Variants in NTM observed in about 807,000 individuals in gnomAD.
NTM encodes IgLON family member 2.
NTM carries 13 observed loss-of-function variants against 42.1 expected under a neutral mutation model. The ratio of observed to expected loss-of-function variants is 0.31; its 90% confidence interval spans 0.20 to 0.49. The LOEUF (loss-of-function observed/expected upper bound fraction) is 0.49, where lower values mean the gene tolerates loss of function less well. Ranked by LOEUF, NTM falls within the 20% of genes least tolerant of loss-of-function variation. NTM has a pLI of 0.99. For synonymous variants in NTM, 187 were observed against 179.2 expected, an observed-to-expected ratio of 1.04 and a Z score of -0.35; for missense variants, 373 against 452.8, an observed-to-expected ratio of 0.82 and a Z score of 1.60.
At chr11:131,801,017 G>C (rs76652306) in intron 1 of NTM, among the ~76,000 whole-genome samples, 6,757 of 152,218 alleles carry the variant, frequency 0.044, 521 homozygotes, top group African/African-American at 0.15. Context: ...GACTCTCAGA[G>C]ATGTTGGGGC....
intron 2 of NTM, among the ~76,000 whole-genome samples, chr11:132,036,539 G>A (rs2135720897): frequency 6.6e-6 from 1 of 152,200 alleles, no homozygotes. Flanking sequence ...TCAGTATCAG[G>A]GAGAAATGAT....
At chr11:132,077,258 G>A (rs2136234054) in intron 2 of NTM, among the ~76,000 whole-genome samples, 1 of 152,370 alleles carries the variant, frequency 6.6e-6, no homozygotes, top group East Asian at 1.9e-4. Context: ...GTTGATAACA[G>A]TGATGAGTGA....
At chr11:131,788,521 C>T (rs2089638382) in intron 1 of NTM, among the ~76,000 whole-genome samples, 1 of 152,054 alleles carries the variant, frequency 6.6e-6, no homozygotes, top group African/African-American at 2.4e-5. Flanking sequence ...ACCTTCCATT[C>T]TACGTTATTA....
chr11:131,501,553 G>A (rs915421588), intron 1 of NTM, among the ~76,000 whole-genome samples: 30 of 152,150 alleles, frequency 2.0e-4, no homozygotes, highest in African/African-American at 7.0e-4. Flanking sequence ...TCAGGAGAGG[G>A]AAGCTGTGAT....
chr11:132,046,581 C>A (rs1410518100), intron 2 of NTM, among the ~76,000 whole-genome samples: 1 of 152,126 alleles, frequency 6.6e-6, no homozygotes, highest in Non-Finnish European at 1.5e-5. Flanking sequence ...GCTTCCCCCA[C>A]TTTTTTGACA....
At chr11:131,668,880 A>C (rs1465768757) in intron 1 of NTM, among the ~76,000 whole-genome samples, 1 of 152,212 alleles carries the variant, frequency 6.6e-6, no homozygotes, top group Non-Finnish European at 1.5e-5. Flanking sequence ...TATCCCAGTT[A>C]TTATGAGGCA....
At chr11:132,139,304 A>G (rs1476386140) in intron 2 of NTM, among the ~76,000 whole-genome samples, 1 of 152,180 alleles carries the variant, frequency 6.6e-6, no homozygotes, top group African/African-American at 2.4e-5. Flanking sequence ...TCTTGGCTAC[A>G]TGTGTGTAAC....
chr11:132,135,591 A>G (rs2067739462), intron 2 of NTM, among the ~76,000 whole-genome samples: 1 of 151,938 alleles, frequency 6.6e-6, no homozygotes, highest in African/African-American at 2.4e-5. Flanking sequence ...CCCTTTTACA[A>G]CTCCCACACA....
chr11:132,214,292 G>T (rs1463265633), intron 4 of NTM, among the ~76,000 whole-genome samples: 2 of 152,166 alleles, frequency 1.3e-5, no homozygotes, highest in Non-Finnish European at 2.9e-5. Flanking sequence ...AGTGCTGGCG[G>T]ATGCCAGCCC....
rs1459112290 is a variant in NTM at position 131,764,852 on chromosome 11, C to T, written c.83-146712C>T. 5.3e-5 allele frequency among the ~76,000 whole-genome samples: 8 copies of T among 152,140 alleles called. No homozygotes were observed. The East Asian group carries it at 7.7e-4, about 15-fold the overall frequency. On this transcript the variant is annotated intron_variant, in intron 1 of 8. Coordinates refer to ENST00000683400, the MANE Select transcript of NTM (RefSeq NM_001352005.2). Reference sequence around the variant, plus strand: ...CACAGATGCCCCAGAGACATCATAACAGTTAAAGAGAGCTAACCTCTAACA... The same window carrying T: ...CACAGATGCCCCAGAGACATCATAATAGTTAAAGAGAGCTAACCTCTAACA...
At chr11:132,254,922 C>A (rs573179525) in intron 4 of NTM, among the ~76,000 whole-genome samples, 1 of 152,312 alleles carries the variant, frequency 6.6e-6, no homozygotes, top group Non-Finnish European at 1.5e-5. Context: ...TCTCTACCCA[C>A]TAGATAGCAG....
In NTM at chr11:131,763,709, C is replaced by CTTTTTTTTTTTTTTTTTTTTTTTTTTT. The variant is rs557522093; in HGVS notation, c.83-147829_83-147828insTTTTTTTTTTTTTTTTTTTTTTTTTTT. On this transcript the variant is annotated intron_variant, in intron 1 of 8. Transcript: ENST00000683400. ...CTTATCCACAGGCCCATCTCTCTCT[C>CTTTTTTTTTTTTTTTTTTTTTTTTTTT]TTTTTTTTTTTTTTTTTTTTTTTTT... 3.8e-4 allele frequency among the ~76,000 whole-genome samples: 27 copies of CTTTTTTTTTTTTTTTTTTTTTTTTTTT among 71,378 alleles called. 3 individuals are homozygous for CTTTTTTTTTTTTTTTTTTTTTTTTTTT. The highest frequency in any genetic ancestry group is 5.8e-4 in the South Asian group (1 of 1,732). 46.8% of individuals were successfully genotyped at this position (71,378 alleles called of 152,430 possible).
At chr11:131,859,693 T>G (rs1033418044) in intron 1 of NTM, among the ~76,000 whole-genome samples, 1 of 152,196 alleles carries the variant, frequency 6.6e-6, no homozygotes, top group African/African-American at 2.4e-5. Context: ...CATTCTCTAG[T>G]GCATCCCATG....
intron 1 of NTM, among the ~76,000 whole-genome samples, chr11:131,630,958 C>T (rs958596589): frequency 2.6e-5 from 4 of 152,106 alleles, no homozygotes; most frequent in African/African-American, 9.7e-5. Context: ...AAAAACAAAG[C>T]TTTTCTCAAT....
chr11:131,977,408 G>GT (rs1767594136), intron 2 of NTM, among the ~76,000 whole-genome samples: 1 of 152,188 alleles, frequency 6.6e-6, no homozygotes, highest in Non-Finnish European at 1.5e-5. Context: ...AAATAGCTCT[G>GT]TATGTTTTAA....
intron 1 of NTM, chr11:131,540,536 G>C (rs1339876110): frequency 6.6e-6 from 1 of 152,152 alleles, no homozygotes; most frequent in Non-Finnish European, 1.5e-5. Flanking sequence ...ATGCCTTTCT[G>C]TGGAAATTTG....
At chr11:132,059,913 A>C (rs765060538) in intron 2 of NTM, among the ~76,000 whole-genome samples, 1 of 152,098 alleles carries the variant, frequency 6.6e-6, no homozygotes, top group South Asian at 2.1e-4. Context: ...CCCTCCTGCA[A>C]TGGGTTCTCT....
At chr11:131,541,242 C>T (rs993788649) in intron 1 of NTM, among the ~76,000 whole-genome samples, 8 of 152,204 alleles carry the variant, frequency 5.3e-5, no homozygotes, top group South Asian at 2.1e-4. Flanking sequence ...AACCATCCCT[C>T]GCCTTCCGCC....
intron 1 of NTM, among the ~76,000 whole-genome samples, chr11:131,764,148 C>T (rs1225204534): frequency 6.6e-6 from 1 of 152,014 alleles, no homozygotes; most frequent in Non-Finnish European, 1.5e-5. Flanking sequence ...TAAGCGGCAA[C>T]ATTACCACTT....
Sources: gnomAD v4.1 joint callset for allele counts (sites outside exome capture counted in the v4.1 genomes callset) on GRCh38, gnomAD v4.1.1 for gene constraint, MANE v1.5 for transcripts, NCBI Gene and HGNC (gene_info 2026-07-23, HGNC 2026-07-21) for gene names.